OPA1: variants seen among roughly 807,000 people sequenced by gnomAD.
OPA1 encodes the protein dynamin-like GTPase OPA1, mitochondrial.
Under a neutral mutation model 152.9 loss-of-function variants are expected in OPA1, and 59 were observed. The ratio of observed to expected loss-of-function variants is 0.39; its 90% CI spans 0.31 to 0.48. The LOEUF (loss-of-function observed/expected upper bound fraction) is 0.48. OPA1 is among the 20% of genes least tolerant of loss of function. OPA1 has a pLI of 0.96. For missense variants in OPA1, 1,008 were observed against 1,216.8 expected, an observed-to-expected ratio of 0.83 and a Z score of 2.55; for synonymous variants, 400 against 389.9, an observed-to-expected ratio of 1.03 and a Z score of -0.31.
intron 23 of OPA1, among the ~76,000 whole-genome samples, chr3:193,658,196 G>C (rs1456231302): frequency 6.8e-6 from 1 of 147,290 alleles, no homozygotes; most frequent in African/African-American, 2.5e-5. Context: ...GGTTAGCCGA[G>C]ATCGTGCCAT....
At chr3:193,638,584 G>C (rs1227140170) in intron 11 of OPA1, among the ~76,000 whole-genome samples, 4 of 152,138 alleles carry the variant, frequency 2.6e-5, no homozygotes, top group Non-Finnish European at 5.9e-5. Flanking sequence ...TATAAAAACT[G>C]TTCTTAGAGT....
chr3:193,674,414 T>G (rs946689829), intron 29 of OPA1, among the ~76,000 whole-genome samples: 1 of 152,190 alleles, frequency 6.6e-6, no homozygotes, highest in Non-Finnish European at 1.5e-5. Context: ...AGAAAACAAA[T>G]GCATGAGTGC....
chr3:193,674,158 A>G (rs1364618921), intron 29 of OPA1, among the ~76,000 whole-genome samples: 2 of 152,214 alleles, frequency 1.3e-5, no homozygotes, highest in Admixed American at 6.5e-5. Context: ...TCTTGGGAGT[A>G]GACAATGCTT....
chr3:193,621,741 G>A (rs941774936), intron 6 of OPA1, among the ~76,000 whole-genome samples: 12 of 152,204 alleles, frequency 7.9e-5, no homozygotes, highest in Middle Eastern at 3.4e-3. Flanking sequence ...ATTTGAAAAC[G>A]TATGTCCACT....
At chr3:193,625,157 G>A (rs191697029) in intron 6 of OPA1, among the ~76,000 whole-genome samples, 139 of 151,892 alleles carry the variant, frequency 9.2e-4, no homozygotes, top group African/African-American at 3.3e-3. Flanking sequence ...AGTTAATAAA[G>A]CTATGCAGGA....
intron 9 of OPA1, among the ~76,000 whole-genome samples, chr3:193,636,411 G>C (rs952524808): frequency 4.6e-5 from 4 of 86,852 alleles, no homozygotes; most frequent in Non-Finnish European, 1.0e-4. Context: ...TGGTGGGTTG[G>C]CAATTGCTTG....
rs180728355 is a variant in OPA1, at chr3:193,659,395, A to G, written c.2441-87A>G. The G allele has an allele frequency of 8.4e-6, 10 of 1,183,562 alleles. No homozygotes were observed. The African/African-American group carries it at 1.4e-4, about 16-fold the overall frequency. 73.3% of individuals were successfully genotyped at this position (1,183,562 alleles called of 1,614,324 possible). A position where few individuals can be genotyped will look rare whatever the true frequency, so the allele number is the denominator to read the frequency against. On this transcript the variant is annotated intron_variant, in intron 24 of 30. Transcript: ENST00000361510. ...CCTTCATATTGATATAGCACTTTGA[A>G]ATAGTTAAGAAAGCAAGACCATTAT...
chr3:193,602,620 A>G (rs913296319), intron 1 of OPA1, among the ~76,000 whole-genome samples: 1 of 152,188 alleles, frequency 6.6e-6, no homozygotes, highest in African/African-American at 2.4e-5. Flanking sequence ...CATTAAAACC[A>G]AAAGGTAGTA....
intron 1 of OPA1, among the ~76,000 whole-genome samples, chr3:193,602,897 C>T (rs2108802636): frequency 6.6e-6 from 1 of 152,310 alleles, no homozygotes; most frequent in East Asian, 1.9e-4. Flanking sequence ...AGCTTTCCTA[C>T]ATGGGAAGGC....
At chr3:193,668,102 ATATT>A in intron 29 of OPA1, among the ~76,000 whole-genome samples, 1 of 152,158 alleles carries the variant, frequency 6.6e-6, no homozygotes, top group Non-Finnish European at 1.5e-5. Context: ...AATCATGTGT[ATATT>A]TATTTATTAA....
chr3:193,679,061 A>T (rs1719679800), intron 29 of OPA1, among the ~76,000 whole-genome samples: 1 of 152,258 alleles, frequency 6.6e-6, no homozygotes. Context: ...GTTCTCACTC[A>T]TAAGTGGGAA....
intron 29 of OPA1, among the ~76,000 whole-genome samples, chr3:193,674,533 T>C (rs895646375): frequency 6.6e-6 from 1 of 152,242 alleles, no homozygotes; most frequent in Non-Finnish European, 1.5e-5. Flanking sequence ...CTAAAAAGAT[T>C]CTTTCACTGA....
chr3:193,636,140 A>G (rs996312645), intron 9 of OPA1, among the ~76,000 whole-genome samples: 1 of 152,128 alleles, frequency 6.6e-6, no homozygotes, highest in Non-Finnish European at 1.5e-5. Flanking sequence ...GTTTATATGT[A>G]GCAAAACTGC....
chr3:193,600,132 C>T (rs1726240864), intron 1 of OPA1, among the ~76,000 whole-genome samples: 1 of 152,200 alleles, frequency 6.6e-6, no homozygotes, highest in South Asian at 2.1e-4. Context: ...AGTACGGAGT[C>T]CTCTTCGGGC....
chr3:193,637,351 T>C (rs770471180), intron 10 of OPA1, 70 bp downstream of exon 10: 24 of 895,698 alleles, frequency 2.7e-5, no homozygotes, highest in Admixed American at 2.1e-4. Flanking sequence ...CTAAAAATTA[T>C]GTGTATATAT....
At chr3:193,644,245 A>G (rs1199658351) in intron 16 of OPA1, 140 bp downstream of exon 16, 1 of 994,170 alleles carries the variant, frequency 1.0e-6, no homozygotes, top group East Asian at 2.8e-5. Context: ...AGGATAAAGC[A>G]AAATCACAAA....
At chr3:193,637,360 A>ATGTGTATG in intron 10 of OPA1, 79 bp downstream of exon 10, 1 of 835,102 alleles carries the variant, frequency 1.2e-6, no homozygotes, top group Non-Finnish European at 2.1e-6. Flanking sequence ...ATGTGTATAT[A>ATGTGTATG]TGTACACATA....
At chr3:193,597,853 G>A (rs2108780667) in intron 1 of OPA1, among the ~76,000 whole-genome samples, 1 of 152,102 alleles carries the variant, frequency 6.6e-6, no homozygotes, top group South Asian at 2.1e-4. Flanking sequence ...TGAAAGGGAG[G>A]GTCGCTTGAG....
intron 25 of OPA1, among the ~76,000 whole-genome samples, chr3:193,660,933 T>C (rs1309806431): frequency 1.3e-5 from 2 of 152,186 alleles, no homozygotes; most frequent in Non-Finnish European, 2.9e-5. Flanking sequence ...AGAGCTGCTG[T>C]AAGGGAGATA....
Sources: gnomAD v4.1 joint callset for allele counts (sites outside exome capture counted in the v4.1 genomes callset) on GRCh38, gnomAD v4.1.1 for gene constraint, MANE v1.5 for transcripts, NCBI Gene and HGNC (gene_info 2026-07-23, HGNC 2026-07-21) for gene names.